The following PPARGC1A variants were observed in gnomAD, a reference collection of about 807,000 sequenced individuals.
PPARGC1A encodes the protein PPARG coactivator 1 alpha, also known as peroxisome proliferator-activated receptor gamma coactivator 1-alpha.
PPARGC1A carries 25 observed loss-of-function variants against 88.7 expected under a neutral mutation model. That is an observed-to-expected ratio of 0.28 (90% CI 0.21 to 0.39). PPARGC1A has a LOEUF of 0.39. Among genes scored for constraint, PPARGC1A ranks in the 10% least tolerant of loss-of-function variants. The pLI, the probability that PPARGC1A is intolerant of heterozygous loss-of-function variation, is 1.00. For missense variants in PPARGC1A, 880 were observed against 968.7 expected (o/e 0.91, Z 1.22); for synonymous variants, 363 against 355.6 (o/e 1.02, Z -0.24).
At chr4:24,138,430 T>C in the PPARGC1A span, among the ~76,000 whole-genome samples, 2,595 of 152,312 alleles carry the variant, frequency 0.017, 45 homozygotes, top group South Asian at 0.037. Context: ...CACCAGGGTA[T>C]ACAGAACAAG....
chr4:23,793,621 A>G lies in PPARGC1A; in HGVS notation c.*2201T>C, dbSNP rs1717030586. The G allele has an allele frequency of 6.6e-6, 1 of 152,210 alleles. No individual in the cohort carries two copies. The highest frequency in any genetic ancestry group is 2.4e-5 in the African/African-American group (1 of 41,452). The allele number at this position is 152,210 out of a possible 1,614,324, so 9.4% of individuals were successfully genotyped here. A position where few individuals can be genotyped will look rare whatever the true frequency, so the allele number is the denominator to read the frequency against. On this transcript the variant is annotated 3_prime_UTR_variant, in exon 13 of 13. Coordinates refer to ENST00000264867, the MANE Select transcript of PPARGC1A (RefSeq NM_013261.5). ...TCAGCCAAACAGTAATCGAATCTCA[A>G]TTTAGAAACTTGAATACACACTCCA...
At chr4:24,401,009 AATTT>A in the PPARGC1A span, among the ~76,000 whole-genome samples, 1 of 142,230 alleles carries the variant, frequency 7.0e-6, no homozygotes, top group Admixed American at 7.3e-5. Context: ...AATATACCTG[AATTT>A]TCTTTTTTTT....
chr4:24,048,963 T>C, the PPARGC1A span, among the ~76,000 whole-genome samples: 1 of 152,128 alleles, frequency 6.6e-6, no homozygotes, highest in South Asian at 2.1e-4. Flanking sequence ...TATATTCTAC[T>C]TTGCACATGT....
At chr4:24,058,033 T>C in the PPARGC1A span, among the ~76,000 whole-genome samples, 1 of 152,180 alleles carries the variant, frequency 6.6e-6, no homozygotes, top group Admixed American at 6.5e-5. Context: ...CAGCCCCTGG[T>C]GCTCTGAGCA....
the PPARGC1A span, among the ~76,000 whole-genome samples, chr4:24,282,800 G>C: frequency 6.6e-6 from 1 of 152,220 alleles, no homozygotes; most frequent in Middle Eastern, 3.4e-3. Flanking sequence ...CTAAATGACT[G>C]TTCTTCCATC....
the PPARGC1A span, among the ~76,000 whole-genome samples, chr4:24,022,027 G>A: frequency 6.6e-6 from 1 of 152,306 alleles, no homozygotes; most frequent in African/African-American, 2.4e-5. Flanking sequence ...GAGAGGCGAG[G>A]AGTGGCCAGT....
At chr4:24,421,100 A>G in the PPARGC1A span, among the ~76,000 whole-genome samples, 5 of 152,086 alleles carry the variant, frequency 3.3e-5, no homozygotes, top group African/African-American at 1.2e-4. Flanking sequence ...CAACATATAC[A>G]TTTTGGAGCG....
chr4:23,900,041 C>T (rs1000008310), upstream of PPARGC1A, among the ~76,000 whole-genome samples: 1 of 151,654 alleles, frequency 6.6e-6, no homozygotes, highest in Non-Finnish European at 1.5e-5. Flanking sequence ...AAATGTCCAA[C>T]TTACCTCCTT....
chr4:23,875,463 C>T (rs57640212), intron 2 of PPARGC1A, among the ~76,000 whole-genome samples: 5,286 of 151,882 alleles, frequency 0.035, 120 homozygotes, highest in Non-Finnish European at 0.05. Context: ...TCCTGTTGGG[C>T]TAAAGTGAAG....
At chr4:24,002,097 C>CACAGAGAGAGAGAGAG in the PPARGC1A span, among the ~76,000 whole-genome samples, 9 of 125,380 alleles carry the variant, frequency 7.2e-5, no homozygotes, top group East Asian at 2.5e-4. Flanking sequence ...CACACACACA[C>CACAGAGAGAGAGAGAG]AGAGAGAGAG....
At chr4:23,892,391 A>C (rs1404674312), upstream of PPARGC1A, among the ~76,000 whole-genome samples, 1 of 152,128 alleles carries the variant, frequency 6.6e-6, no homozygotes, top group Non-Finnish European at 1.5e-5. Flanking sequence ...ATTACTGGAC[A>C]AATCAAAATT....
chr4:24,288,257 C>A, the PPARGC1A span, among the ~76,000 whole-genome samples: 1 of 152,192 alleles, frequency 6.6e-6, no homozygotes, highest in Non-Finnish European at 1.5e-5. Flanking sequence ...CAAAGAGCTT[C>A]TTTCTACCTT....
chr4:24,090,272 T>C, the PPARGC1A span, among the ~76,000 whole-genome samples: 6 of 152,304 alleles, frequency 3.9e-5, no homozygotes, highest in East Asian at 1.2e-3. Context: ...CATGCAGAGA[T>C]TTATTTTGTA....
chr4:23,824,195 T>C lies in PPARGC1A; in HGVS notation c.877+85A>G, dbSNP rs73802990. The C allele has an allele frequency of 5.4e-3, 6,187 of 1,152,722 alleles. 225 individuals carry two copies. In the African/African-American group the frequency reaches 0.082, roughly 15 times the overall value. 71.4% of individuals were successfully genotyped at this position (1,152,722 alleles called of 1,614,324 possible). The stretch of plus-strand genomic sequence containing the variant: ...TTCTTTGTTAATTTCATTAACCACA[T>C]AGACAGTACACTCTGTTATCTTATT... On this transcript the variant is annotated intron_variant, in intron 7 of 12. Coordinates refer to ENST00000264867, the MANE Select transcript of PPARGC1A (RefSeq NM_013261.5).
the PPARGC1A span, among the ~76,000 whole-genome samples, chr4:24,222,293 T>C: frequency 1.3e-5 from 2 of 152,218 alleles, no homozygotes; most frequent in Admixed American, 1.3e-4. Context: ...AGACAGTACC[T>C]TGAGGTAGTT....
At chr4:24,361,807 G>A in the PPARGC1A span, among the ~76,000 whole-genome samples, 1 of 152,220 alleles carries the variant, frequency 6.6e-6, no homozygotes, top group Non-Finnish European at 1.5e-5. Flanking sequence ...AAGCCTGCAT[G>A]ATCAGCTACA....
At chr4:24,022,239 C>A in the PPARGC1A span, among the ~76,000 whole-genome samples, 1 of 152,118 alleles carries the variant, frequency 6.6e-6, no homozygotes, top group Non-Finnish European at 1.5e-5. Flanking sequence ...CGCTGCCCCT[C>A]AAAGTTTCTT....
At chr4:23,864,371 GGTCT>G (rs1357862968) in intron 2 of PPARGC1A, among the ~76,000 whole-genome samples, 18 of 152,272 alleles carry the variant, frequency 1.2e-4, no homozygotes, top group African/African-American at 4.1e-4. Flanking sequence ...CCATATACTT[GGTCT>G]GTAATTATCA....
chr4:23,908,260 A>T (rs1173645054), upstream of PPARGC1A, among the ~76,000 whole-genome samples: 1 of 152,204 alleles, frequency 6.6e-6, no homozygotes, highest in East Asian at 1.9e-4. Flanking sequence ...TTAAAATTTT[A>T]AAAATTCCAA....
Sources: gnomAD v4.1 joint callset for allele counts (sites outside exome capture counted in the v4.1 genomes callset) on GRCh38, gnomAD v4.1.1 for gene constraint, MANE v1.5 for transcripts, NCBI Gene and HGNC (gene_info 2026-07-23, HGNC 2026-07-21) for gene names.